The following CLDN10 variants were observed in gnomAD, a reference collection of about 807,000 sequenced individuals.
CLDN10 encodes the protein claudin-10.
A neutral mutation model predicts 22.9 loss-of-function variants in CLDN10; 15 were observed. The ratio of observed to expected loss-of-function variants is 0.65; its 90% CI spans 0.44 to 1.01. The LOEUF (loss-of-function observed/expected upper bound fraction) is 1.01. Ranked by LOEUF, CLDN10 falls within the 50% of genes least tolerant of loss-of-function variation. The pLI, the probability that CLDN10 is intolerant of heterozygous loss-of-function variation, is 0.00. For synonymous variants in CLDN10, 114 were observed against 111.4 expected (o/e 1.02, Z -0.15); for missense variants, 247 against 287.8 (o/e 0.86, Z 1.03).
chr13:95,558,071 T>A (rs1403611443), intron 1 of CLDN10, among the ~76,000 whole-genome samples: 1 of 152,158 alleles, frequency 6.6e-6, no homozygotes, highest in Non-Finnish European at 1.5e-5. Flanking sequence ...GAGTCCCCCA[T>A]TTTTTTGTTT....
At chr13:95,531,469 A>T (rs1468749541) in intron 1 of CLDN10, among the ~76,000 whole-genome samples, 1 of 152,130 alleles carries the variant, frequency 6.6e-6, no homozygotes, top group Non-Finnish European at 1.5e-5. Context: ...TTAAACTCTT[A>T]TCCAGATTAC....
intron 1 of CLDN10, among the ~76,000 whole-genome samples, chr13:95,477,427 C>T (rs1408844799): frequency 1.3e-5 from 2 of 152,048 alleles, no homozygotes; most frequent in African/African-American, 4.8e-5. Flanking sequence ...GGTTGGGATG[C>T]GAGCTCTGGG....
intron 1 of CLDN10, among the ~76,000 whole-genome samples, chr13:95,490,850 C>A (rs543419888): frequency 1.2e-3 from 187 of 152,252 alleles, no homozygotes; most frequent in Non-Finnish European, 2.4e-3. Flanking sequence ...GTGCTGTTAG[C>A]AGAGTATTGA....
intron 1 of CLDN10, among the ~76,000 whole-genome samples, chr13:95,536,823 T>A (rs1314751662): frequency 1.3e-5 from 2 of 152,222 alleles, no homozygotes; most frequent in African/African-American, 2.4e-5. Context: ...CATATTGAAA[T>A]GTCTTAACAA....
intron 1 of CLDN10, among the ~76,000 whole-genome samples, chr13:95,455,798 T>C (rs1226559759): frequency 3.9e-5 from 6 of 152,202 alleles, no homozygotes; most frequent in Non-Finnish European, 8.8e-5. Context: ...AGAAAATCTT[T>C]AGCAAATTGA....
At chr13:95,547,127 C>G (rs1215891088) in intron 1 of CLDN10, among the ~76,000 whole-genome samples, 2 of 149,304 alleles carry the variant, frequency 1.3e-5, no homozygotes, top group Non-Finnish European at 3.0e-5. Flanking sequence ...CTCAAGTGAT[C>G]TTGCTGCCTC....
chr13:95,503,287 A>T (rs928173906), intron 1 of CLDN10, among the ~76,000 whole-genome samples: 2 of 152,238 alleles, frequency 1.3e-5, no homozygotes, highest in Admixed American at 6.5e-5. Context: ...AAAGAAAAAA[A>T]CATTAGAGGG....
chr13:95,441,008 C>T (rs144598979), intron 1 of CLDN10, among the ~76,000 whole-genome samples: 45 of 152,336 alleles, frequency 3.0e-4, no homozygotes, highest in African/African-American at 9.6e-4. Flanking sequence ...CATAGTTCCT[C>T]TTTTAGGGGC....
intron 1 of CLDN10, among the ~76,000 whole-genome samples, chr13:95,452,484 G>A (rs2139079449): frequency 6.6e-6 from 1 of 152,306 alleles, no homozygotes; most frequent in South Asian, 2.1e-4. Flanking sequence ...ATATGGATGT[G>A]GTTGTTGGTC....
At chr13:95,472,526 C>T (rs755955952) in intron 1 of CLDN10, among the ~76,000 whole-genome samples, 5 of 151,842 alleles carry the variant, frequency 3.3e-5, no homozygotes, top group Non-Finnish European at 7.4e-5. Context: ...CAAAATTAGC[C>T]GGGTGTGGTA....
chr13:95,439,409 A>G (rs973867557), intron 1 of CLDN10, among the ~76,000 whole-genome samples: 1 of 151,578 alleles, frequency 6.6e-6, no homozygotes, highest in African/African-American at 2.4e-5. Context: ...CAGTAGTGCA[A>G]TCTCAACCTC....
At chr13:95,493,098 T>G (rs546659011) in intron 1 of CLDN10, among the ~76,000 whole-genome samples, 240 of 152,174 alleles carry the variant, frequency 1.6e-3, no homozygotes, top group African/African-American at 5.6e-3. Flanking sequence ...GCTGGTTTGT[T>G]CTTGCAGTTG....
At chr13:95,497,779 CCAAA>C (rs1356113771) in intron 1 of CLDN10, among the ~76,000 whole-genome samples, 1 of 151,944 alleles carries the variant, frequency 6.6e-6, no homozygotes, top group East Asian at 1.9e-4. Flanking sequence ...GAGTAAGTTG[CCAAA>C]CATTTTTCTC....
chr13:95,496,048 G>A (rs940251269), intron 1 of CLDN10, among the ~76,000 whole-genome samples: 5 of 152,128 alleles, frequency 3.3e-5, no homozygotes, highest in East Asian at 1.9e-4. Flanking sequence ...CAGATGTTCC[G>A]GAATATTTGG....
chr13:95,543,172 C>T lies in CLDN10; in HGVS notation c.215-16960C>T, dbSNP rs547082177. The stretch of plus-strand genomic sequence containing the variant: ...GCTTGAACCTGGGAGGCAGAGGTTA[C>T]GGTGAGTCGAAATCGCACCCTTGCA... On this transcript the variant is annotated intron_variant, in intron 1 of 4. Transcript: ENST00000376873. Among the ~76,000 whole-genome samples the T allele has an allele frequency of 1.2e-4, 19 of 152,290 alleles. No individual in the cohort carries two copies. In the South Asian group the frequency reaches 3.3e-3, roughly 27 times the overall value.
At chr13:95,507,616 C>CAA (rs555349763) in intron 1 of CLDN10, among the ~76,000 whole-genome samples, 1 of 146,320 alleles carries the variant, frequency 6.8e-6, no homozygotes, top group Admixed American at 6.8e-5. Context: ...GTGACACCTG[C>CAA]AAAAAAAAAA....
At chr13:95,487,035 C>T (rs2042812388) in intron 1 of CLDN10, among the ~76,000 whole-genome samples, 1 of 152,158 alleles carries the variant, frequency 6.6e-6, no homozygotes. Flanking sequence ...TTGAACTGTC[C>T]GTGTCCAGCC....
At chr13:95,482,729 C>A (rs1041542319) in intron 1 of CLDN10, among the ~76,000 whole-genome samples, 2 of 152,210 alleles carry the variant, frequency 1.3e-5, no homozygotes, top group African/African-American at 2.4e-5. Context: ...GTAATCCCAG[C>A]ACTTTGGGAG....
At chr13:95,434,151 G>A (rs113058080) in intron 1 of CLDN10, 7 of 999,046 alleles carry the variant, frequency 7.0e-6, no homozygotes, top group African/African-American at 4.8e-5. Context: ...TGAAGACTGA[G>A]TGCTTAATCA....
Sources: gnomAD v4.1 joint callset for allele counts (sites outside exome capture counted in the v4.1 genomes callset) on GRCh38, gnomAD v4.1.1 for gene constraint, MANE v1.5 for transcripts, NCBI Gene and HGNC (gene_info 2026-07-23, HGNC 2026-07-21) for gene names.